The following DNM3 variants were observed in gnomAD, a reference collection of about 807,000 sequenced individuals.
The protein encoded by DNM3 is dynamin 3.
Under a neutral mutation model 101.6 loss-of-function variants are expected in DNM3, and 47 were observed. The ratio of observed to expected loss-of-function variants is 0.46; its 90% CI spans 0.37 to 0.59. DNM3 has a LOEUF of 0.59. Ranked by LOEUF, DNM3 falls within the 20% of genes least tolerant of loss-of-function variation. DNM3 has a pLI of 0.00. For synonymous variants in DNM3, 385 were observed against 387.9 expected, an observed-to-expected ratio of 0.99 and a Z score of 0.09; for missense variants, 849 against 1,085.7, an observed-to-expected ratio of 0.78 and a Z score of 3.06.
chr1:172,001,708 G>A (rs2046367306), intron 4 of DNM3, among the ~76,000 whole-genome samples: 1 of 152,016 alleles, frequency 6.6e-6, no homozygotes, highest in African/African-American at 2.4e-5. Flanking sequence ...GGGAAAGAGG[G>A]CACCATCTTC....
chr1:171,881,525 C>T (rs1450206609), intron 1 of DNM3, among the ~76,000 whole-genome samples: 1 of 152,114 alleles, frequency 6.6e-6, no homozygotes, highest in African/African-American at 2.4e-5. Flanking sequence ...GGGAAATTCT[C>T]AAATGAGATC....
intron 17 of DNM3, among the ~76,000 whole-genome samples, chr1:172,339,979 A>G (rs1040456438): frequency 3.9e-5 from 6 of 152,156 alleles, no homozygotes; most frequent in African/African-American, 1.4e-4. Flanking sequence ...AAGGAGTCCA[A>G]TCACTAAAGA....
intron 15 of DNM3, among the ~76,000 whole-genome samples, chr1:172,257,258 A>G (rs2062442118): frequency 6.6e-6 from 1 of 152,134 alleles, no homozygotes. Context: ...TGAATCAAAT[A>G]GACAAAGACA....
At chr1:172,048,848 A>G in intron 10 of DNM3, 98 bp downstream of exon 10, 3 of 1,436,536 alleles carry the variant, frequency 2.1e-6, no homozygotes, top group Non-Finnish European at 2.8e-6. Context: ...TCACTTTGTT[A>G]TAGATGTTGT....
At chr1:172,385,345 C>T (rs997196806) in intron 18 of DNM3, among the ~76,000 whole-genome samples, 7 of 152,190 alleles carry the variant, frequency 4.6e-5, no homozygotes, top group Non-Finnish European at 1.5e-5. Flanking sequence ...TAAACGCTTT[C>T]GCTGGCCCCT....
At chr1:172,265,207 C>G (rs2062811922) in intron 15 of DNM3, among the ~76,000 whole-genome samples, 1 of 151,926 alleles carries the variant, frequency 6.6e-6, no homozygotes, top group Non-Finnish European at 1.5e-5. Context: ...ACTCTGTAGT[C>G]CCCCATCATC....
chr1:172,056,207 C>T (rs939458118), intron 10 of DNM3, among the ~76,000 whole-genome samples: 3 of 152,214 alleles, frequency 2.0e-5, no homozygotes, highest in Non-Finnish European at 4.4e-5. Context: ...CACGGAATCT[C>T]GCTGATTGCT....
chr1:171,894,201 G>A (rs574179759), intron 1 of DNM3, among the ~76,000 whole-genome samples: 2 of 151,086 alleles, frequency 1.3e-5, no homozygotes, highest in Admixed American at 6.6e-5. Flanking sequence ...CAAGTGACCC[G>A]CCCACCTTGG....
chr1:171,883,833 G>C (rs2036537043), intron 1 of DNM3, among the ~76,000 whole-genome samples: 1 of 152,180 alleles, frequency 6.6e-6, no homozygotes, highest in Non-Finnish European at 1.5e-5. Flanking sequence ...ACTTTTCATA[G>C]TGGACTTACT....
intron 17 of DNM3, chr1:172,338,936 T>C (rs1402229420): frequency 4.9e-6 from 2 of 412,240 alleles, no homozygotes; most frequent in African/African-American, 2.1e-5. Context: ...GTTTTCTTTC[T>C]TTTAACATTC....
intron 10 of DNM3, among the ~76,000 whole-genome samples, chr1:172,056,091 T>C (rs1021057014): frequency 1.3e-5 from 2 of 152,150 alleles, no homozygotes; most frequent in Admixed American, 1.3e-4. Flanking sequence ...GGACGGCACC[T>C]GGAAAATCGG....
intron 20 of DNM3, among the ~76,000 whole-genome samples, chr1:172,392,801 T>G (rs1238860156): frequency 6.6e-6 from 1 of 152,168 alleles, no homozygotes; most frequent in Non-Finnish European, 1.5e-5. Context: ...ATTCAAGTAC[T>G]TTTTTTGACC....
chr1:171,901,303 C>G (rs2038331814), intron 1 of DNM3, among the ~76,000 whole-genome samples: 1 of 151,854 alleles, frequency 6.6e-6, no homozygotes, highest in African/African-American at 2.4e-5. Flanking sequence ...TCCATATAAT[C>G]CCGAAAGAAG....
intron 1 of DNM3, among the ~76,000 whole-genome samples, chr1:171,874,341 A>C (rs2035566813): frequency 6.6e-6 from 1 of 152,108 alleles, no homozygotes; most frequent in Non-Finnish European, 1.5e-5. Flanking sequence ...TATTTCAAAG[A>C]ATTGGGGAAA....
intron 10 of DNM3, among the ~76,000 whole-genome samples, chr1:172,068,386 T>C (rs2051870533): frequency 6.6e-6 from 1 of 152,170 alleles, no homozygotes; most frequent in African/African-American, 2.4e-5. Context: ...TATCTGTCTT[T>C]TCTGATTGCT....
intron 2 of DNM3, among the ~76,000 whole-genome samples, chr1:171,967,210 A>C (rs895634309): frequency 1.3e-5 from 2 of 152,182 alleles, no homozygotes; most frequent in Non-Finnish European, 2.9e-5. Context: ...ATATGGTGGC[A>C]GTCTCATACT....
intron 20 of DNM3, among the ~76,000 whole-genome samples, chr1:172,397,926 T>C (rs2070149850): frequency 6.6e-6 from 1 of 152,158 alleles, no homozygotes; most frequent in South Asian, 2.1e-4. Context: ...TGCAGAAAAA[T>C]AAGTTTCAGT....
intron 14 of DNM3, among the ~76,000 whole-genome samples, chr1:172,174,573 C>A (rs1048552222): frequency 6.6e-5 from 10 of 151,634 alleles, no homozygotes; most frequent in Non-Finnish European, 3.0e-5. Flanking sequence ...TAACAAATGT[C>A]TCAGTGTTAG....
At chr1:171,962,550 T>A (rs2043287477) in intron 2 of DNM3, among the ~76,000 whole-genome samples, 1 of 152,114 alleles carries the variant, frequency 6.6e-6, no homozygotes, top group African/African-American at 2.4e-5. Flanking sequence ...ATTAAGATGC[T>A]AGCTGATTCG....
Sources: gnomAD v4.1 joint callset for allele counts (sites outside exome capture counted in the v4.1 genomes callset) on GRCh38, gnomAD v4.1.1 for gene constraint, MANE v1.5 for transcripts, NCBI Gene and HGNC (gene_info 2026-07-23, HGNC 2026-07-21) for gene names.